ZBTB20: variants seen among roughly 807,000 people sequenced by gnomAD.
ZBTB20 encodes zinc finger and BTB domain-containing protein 20.
ZBTB20 carries 9 observed loss-of-function variants against 56.9 expected under a neutral mutation model. The ratio of observed to expected loss-of-function variants is 0.16; its 90% CI spans 0.10 to 0.28. The LOEUF is 0.28. Among genes scored for constraint, ZBTB20 ranks in the 10% least tolerant of loss-of-function variants. ZBTB20 has a pLI of 1.00. For synonymous variants in ZBTB20, 417 were observed against 420.7 expected, an observed-to-expected ratio of 0.99 and a Z score of 0.11; for missense variants, 655 against 1,003.0, an observed-to-expected ratio of 0.65 and a Z score of 4.69.
At chr3:114,523,974 C>T (rs1334436727) in intron 6 of ZBTB20, among the ~76,000 whole-genome samples, 2 of 152,154 alleles carry the variant, frequency 1.3e-5, no homozygotes, top group Non-Finnish European at 2.9e-5. Context: ...TCTCCAGCCA[C>T]ATTCAGCTGG....
chr3:114,631,817 T>C (rs945230376), intron 6 of ZBTB20, among the ~76,000 whole-genome samples: 4 of 152,232 alleles, frequency 2.6e-5, no homozygotes, highest in African/African-American at 7.2e-5. Context: ...TGGTAAACTA[T>C]GATACTGTGA....
chr3:114,362,473 G>T (rs2081991200), intron 10 of ZBTB20, among the ~76,000 whole-genome samples: 1 of 152,212 alleles, frequency 6.6e-6, no homozygotes, highest in African/African-American at 2.4e-5. Flanking sequence ...TTTACTCTGA[G>T]ATATGTCTAT....
chr3:115,055,501 C>A (rs1268324851), intron 2 of ZBTB20, among the ~76,000 whole-genome samples: 1 of 152,076 alleles, frequency 6.6e-6, no homozygotes, highest in African/African-American at 2.4e-5. Flanking sequence ...TTTTAAGCTG[C>A]TAAGTCTGTG....
intron 6 of ZBTB20, among the ~76,000 whole-genome samples, chr3:114,662,671 T>C: frequency 7.0e-6 from 1 of 143,870 alleles, no homozygotes; most frequent in Admixed American, 7.0e-5. Context: ...ATGAGCATTT[T>C]TTCATGTGTT....
rs1170463786 is a variant in ZBTB20, at chr3:114,942,602, C to A, written c.-456+31764G>T. The stretch of plus-strand genomic sequence containing the variant: ...TGATAGAGTAGCTTATATCAAATCA[C>A]CCCCTCGTTGAGAAAAACTATTAAA... On this transcript the variant is annotated intron_variant, in intron 3 of 11. Transcript: ENST00000675478. 7.6e-5 allele frequency among the ~76,000 whole-genome samples: 11 copies of A among 145,396 alleles called. 2 individuals are homozygous for A. Among genetic ancestry groups the A allele is most frequent in the African/African-American group, 3.1e-4 (11 of 35,534 alleles).
At chr3:114,349,678 C>T (rs932974477) in intron 11 of ZBTB20, among the ~76,000 whole-genome samples, 4 of 152,170 alleles carry the variant, frequency 2.6e-5, no homozygotes, top group African/African-American at 9.6e-5. Flanking sequence ...ACTATACAAA[C>T]TGAATGTCTC....
chr3:114,608,183 C>G (rs1474250589), intron 6 of ZBTB20, among the ~76,000 whole-genome samples: 1 of 152,112 alleles, frequency 6.6e-6, no homozygotes, highest in Admixed American at 6.5e-5. Flanking sequence ...GAAGACTATT[C>G]TTTACTCACT....
intron 1 of ZBTB20, among the ~76,000 whole-genome samples, chr3:115,108,553 G>C (rs2083788747): frequency 6.6e-6 from 1 of 152,176 alleles, no homozygotes; most frequent in African/African-American, 2.4e-5. Context: ...GTTTTGTGAT[G>C]CAAATATTCT....
intron 6 of ZBTB20, among the ~76,000 whole-genome samples, chr3:114,574,785 G>C (rs2053831731): frequency 6.6e-6 from 1 of 152,164 alleles, no homozygotes; most frequent in Admixed American, 6.5e-5. Context: ...TCCTGATCAA[G>C]AACCTATGAC....
chr3:114,895,117 C>T (rs1366249452), intron 4 of ZBTB20, among the ~76,000 whole-genome samples: 5 of 152,058 alleles, frequency 3.3e-5, no homozygotes, highest in Non-Finnish European at 7.4e-5. Flanking sequence ...AAGGGAAAAT[C>T]ATACATATAA....
intron 3 of ZBTB20, among the ~76,000 whole-genome samples, chr3:114,964,496 A>G (rs1438847426): frequency 2.6e-5 from 4 of 152,214 alleles, no homozygotes; most frequent in African/African-American, 9.6e-5. Context: ...GAAGACACAG[A>G]AAAGATCAGT....
intron 6 of ZBTB20, among the ~76,000 whole-genome samples, chr3:114,546,663 G>A (rs1018420345): frequency 6.6e-6 from 1 of 151,214 alleles, no homozygotes; most frequent in African/African-American, 2.4e-5. Context: ...TGAAAAAGTT[G>A]CACGTGGAGA....
At chr3:114,526,406 C>T (rs946572129) in intron 6 of ZBTB20, among the ~76,000 whole-genome samples, 6 of 152,136 alleles carry the variant, frequency 3.9e-5, no homozygotes, top group African/African-American at 1.2e-4. Context: ...TTCTGTCCTG[C>T]ATTTTTTAGG....
intron 1 of ZBTB20, among the ~76,000 whole-genome samples, chr3:115,090,992 G>A (rs1164942376): frequency 6.6e-6 from 1 of 151,890 alleles, no homozygotes; most frequent in Non-Finnish European, 1.5e-5. Flanking sequence ...TGAACTGCAA[G>A]TAGTCCATAG....
rs1407374288 is a variant in ZBTB20, at chr3:115,060,911, T to A, written c.-507+10308A>T. Among the ~76,000 whole-genome samples, 4 of 152,278 alleles carry A rather than the reference T, an allele frequency of 2.6e-5. No individual in the cohort carries two copies. In the East Asian group the frequency reaches 5.8e-4, roughly 22 times the overall value. ...AAATAATCTATTCAATATTTCAGAATTTTGCAGGAGATAAAGTTAACTCTG... is the reference window on the plus strand; with the variant it reads ...AAATAATCTATTCAATATTTCAGAAATTTGCAGGAGATAAAGTTAACTCTG... On this transcript the variant is annotated intron_variant, in intron 2 of 11. Coordinates refer to ENST00000675478, the MANE Select transcript of ZBTB20 (RefSeq NM_001348800.3).
intron 7 of ZBTB20, among the ~76,000 whole-genome samples, chr3:114,479,870 C>G (rs901411063): frequency 6.6e-6 from 1 of 152,174 alleles, no homozygotes; most frequent in African/African-American, 2.4e-5. Context: ...ATACTCTCAG[C>G]TAAGTAAGAA....
At chr3:114,537,519 C>G (rs137881102) in intron 6 of ZBTB20, among the ~76,000 whole-genome samples, 1 of 152,128 alleles carries the variant, frequency 6.6e-6, no homozygotes, top group Non-Finnish European at 1.5e-5. Context: ...GAAATAGGAA[C>G]GCTTTTACAC....
chr3:115,024,397 C>G (rs1030040653), intron 2 of ZBTB20, among the ~76,000 whole-genome samples: 1 of 151,014 alleles, frequency 6.6e-6, no homozygotes, highest in Admixed American at 6.6e-5. Flanking sequence ...GAAGAACAGG[C>G]TACTATCCTC....
intron 7 of ZBTB20, among the ~76,000 whole-genome samples, chr3:114,473,398 T>A (rs1480504455): frequency 6.6e-6 from 1 of 152,232 alleles, no homozygotes. Flanking sequence ...TTTCCTTCCT[T>A]ATGAGTGAGT....
Sources: gnomAD v4.1 joint callset for allele counts (sites outside exome capture counted in the v4.1 genomes callset) on GRCh38, gnomAD v4.1.1 for gene constraint, MANE v1.5 for transcripts, NCBI Gene and HGNC (gene_info 2026-07-23, HGNC 2026-07-21) for gene names.